The following PSIP1 variants were observed in gnomAD, a reference collection of about 807,000 sequenced individuals.
PSIP1 encodes PC4 and SFRS1-interacting protein.
A neutral mutation model predicts 74.7 loss-of-function variants in PSIP1; 19 were observed. That is an observed-to-expected ratio of 0.25 (90% CI 0.18 to 0.37). The LOEUF is 0.37. PSIP1 is among the 10% of genes least tolerant of loss of function. The pLI, the probability that PSIP1 is intolerant of heterozygous loss-of-function variation, is 1.00. For synonymous variants in PSIP1, 222 were observed against 195.3 expected (o/e 1.14, Z -1.14); for missense variants, 601 against 614.3 (o/e 0.98, Z 0.23).
At chr9:15,479,762 G>A in intron 6 of PSIP1, 75 bp from the exon 7 acceptor site, 1 of 1,121,372 alleles carries the variant, frequency 8.9e-7, no homozygotes, top group Non-Finnish European at 1.3e-6. Flanking sequence ...GCAAAAATAT[G>A]CCAGTCTATG....
chr9:15,490,351 A>T (rs1419671722), intron 3 of PSIP1, among the ~76,000 whole-genome samples: 1 of 152,232 alleles, frequency 6.6e-6, no homozygotes, highest in East Asian at 1.9e-4. Context: ...ACGTTGCACA[A>T]TGTGAATGTA....
At chr9:15,503,905 C>G (rs1398080660) in intron 3 of PSIP1, among the ~76,000 whole-genome samples, 3 of 152,246 alleles carry the variant, frequency 2.0e-5, no homozygotes, top group East Asian at 1.9e-4. Context: ...CACTACCATG[C>G]CAGGCTAATT....
chr9:15,468,569 A>G, intron 14 of PSIP1, 61 bp downstream of exon 14: 1 of 1,544,624 alleles, frequency 6.5e-7, no homozygotes, highest in Non-Finnish European at 8.9e-7. Flanking sequence ...GCCATTTTTA[A>G]AAGCAGTCCT....
rs201263257 is a variant in PSIP1, at chr9:15,472,614, A to G, written c.977+18T>C. The G allele has an allele frequency of 3.9e-4, 358 of 921,646 alleles. 1 individual carries two copies. Among genetic ancestry groups the G allele is most frequent in the Admixed American group, 9.0e-4 (26 of 28,992 alleles). 57.1% of individuals were successfully genotyped at this position (921,646 alleles called of 1,614,324 possible). A position where few individuals can be genotyped will look rare whatever the true frequency, so the allele number is the denominator to read the frequency against. ...CCTTTAAAAAGAACCCAAAATTTAG[A>G]AAAAAAAAAATACTTACTGCTCAGT... is the stretch of plus-strand genomic sequence containing the variant. On this transcript the variant is annotated intron_variant, in intron 10 of 15. Transcript: ENST00000380733.
rs779610320 is a variant in PSIP1, at chr9:15,466,793, C to G, written c.1487G>C (p.Ser496Thr). 3.7e-6 allele frequency: 6 copies of G among 1,613,634 alleles called. No homozygotes were observed. The South Asian group carries it at 6.6e-5, about 18-fold the overall frequency. The change falls in exon 15 of 16, where the codon AGC becomes ACC. Residue 496 changes from serine to threonine, a missense_variant. By Grantham distance (58) the Ser-to-Thr change is moderately conservative. This residue lies in a region of PSIP1 where 538 missense variants were observed against 507.6 expected (regional missense o/e 1.06). Coordinates refer to ENST00000380733, the MANE Select transcript of PSIP1 (RefSeq NM_033222.5). ...ATGGTTGTCTTTGCTGTCTTCATTG[C>G]TCTCCCCGTTATGTTGTGGCTGATT... ...DGNQPQHNGESNEDSKDNHEA... is the reference protein window; with the variant it reads ...DGNQPQHNGETNEDSKDNHEA...
intron 3 of PSIP1, 122 bp from the exon 4 acceptor site, chr9:15,490,246 ATAAGT>A (rs1192925500): frequency 2.1e-6 from 2 of 933,358 alleles, no homozygotes; most frequent in Admixed American, 3.5e-5. Context: ...CAAATCTTAA[ATAAGT>A]TAAAGGGCAA....
At position 15,469,267 on chromosome 9, in the gene PSIP1, A is replaced by G; in HGVS notation, c.1103T>C (p.Leu368Pro). 6.5e-7 allele frequency: 1 copy of G among 1,540,466 alleles called. No individual in the cohort carries two copies. The highest frequency in any genetic ancestry group is 1.9e-5 in the Admixed American group (1 of 52,642). ...TATTAAATGAAGTTAAACACTTACA[A>G]GATTATCAATTTTGAGTGAATTTTT... ...EIKNSLKIDNLDVNRCIEALD... is the reference protein window; with the variant it reads ...EIKNSLKIDNPDVNRCIEALD... Residue 368 changes from leucine to proline, a missense_variant and splice_region_variant, in exon 12 of 16, where the codon CTT (leucine) becomes CCT (proline). Transcript: ENST00000380733.
At chr9:15,468,114 T>TC (rs1006591604) in intron 14 of PSIP1, among the ~76,000 whole-genome samples, 2 of 101,928 alleles carry the variant, frequency 2.0e-5, no homozygotes, top group African/African-American at 3.8e-5. Context: ...AGAGCGAAAC[T>TC]CCATCTTTTA....
chr9:15,468,736 T>C lies in PSIP1; in HGVS notation c.1314A>G (p.Gln438=). The part of the protein sequence containing the change: ...LVGEGDSVIT[Q]VLNKSLAEQR... ...GTTCAGCAAGAGATTTATTCAGCAC[T>C]TGGGTGATCACGGAATCTCCTTCAC... The change falls in exon 14 of 16, where the codon CAA becomes CAG. Residue 438 remains glutamine, a synonymous_variant. Transcript: ENST00000380733. 18 of 1,614,108 alleles carry C rather than the reference T, an allele frequency of 1.1e-5. No individual in the cohort carries two copies. The highest frequency in any genetic ancestry group is 1.5e-5 in the Non-Finnish European group (18 of 1,179,976).
At chr9:15,469,745 ACAACT>A (rs766982175) in intron 11 of PSIP1, among the ~76,000 whole-genome samples, 188 bp downstream of exon 11, 6 of 152,150 alleles carry the variant, frequency 3.9e-5, no homozygotes, top group Non-Finnish European at 5.9e-5. Flanking sequence ...TTAAACATAA[ACAACT>A]CAAGCAAGTT....
Position 15,465,572 on chromosome 9 carries a change from C to A in PSIP1, c.1541G>T (p.Ser514Ile), listed in dbSNP as rs1793416518. 1 of 1,582,058 alleles carries A rather than the reference C, an allele frequency of 6.3e-7. No homozygotes were observed. Among genetic ancestry groups the A allele is most frequent in the Non-Finnish European group, 8.7e-7 (1 of 1,155,942 alleles). ...AGATATTTCAGTCTCTCTCTCTTCACTGGATGGCCTGAAGAAAAGGGGGAA... is the reference window on the plus strand; with the variant it reads ...AGATATTTCAGTCTCTCTCTCTTCAATGGATGGCCTGAAGAAAAGGGGGAA... Reference protein sequence around the residue: ...HEASTKKKPSSEERETEISLK... With the variant: ...HEASTKKKPSIEERETEISLK... The change falls in exon 16 of 16, where the codon AGT becomes ATT. Residue 514 changes from serine to isoleucine, a missense_variant. By Grantham distance (142) the Ser-to-Ile change is moderately radical. Transcript: ENST00000380733.
chr9:15,493,238 T>C (rs1324840507), intron 3 of PSIP1, among the ~76,000 whole-genome samples: 3 of 152,198 alleles, frequency 2.0e-5, no homozygotes, highest in Non-Finnish European at 4.4e-5. Flanking sequence ...CACAGATCTC[T>C]AGGGCAGGGG....
At chr9:15,501,450 G>C (rs1360077842) in intron 3 of PSIP1, among the ~76,000 whole-genome samples, 1 of 151,882 alleles carries the variant, frequency 6.6e-6, no homozygotes, top group Non-Finnish European at 1.5e-5. Flanking sequence ...CGAGGAGGAG[G>C]ATGTGAGCTA....
chr9:15,475,619 C>T (rs2036042089), intron 8 of PSIP1, among the ~76,000 whole-genome samples: 1 of 152,066 alleles, frequency 6.6e-6, no homozygotes, highest in Admixed American at 6.6e-5. Context: ...ATAAAACATA[C>T]AGTGGGATAC....
chr9:15,480,806 G>A (rs1282866435), intron 6 of PSIP1, among the ~76,000 whole-genome samples: 1 of 152,142 alleles, frequency 6.6e-6, no homozygotes, highest in African/African-American at 2.4e-5. Context: ...TATAATCCCA[G>A]CTACATAGGA....
chr9:15,489,443 A>G (rs192658279), intron 4 of PSIP1: 3 of 152,104 alleles, frequency 2.0e-5, no homozygotes, highest in African/African-American at 7.2e-5. Flanking sequence ...CCCTGTCTCT[A>G]GTAAAAATAC....
chr9:15,509,847 C>G (rs1433589129), intron 2 of PSIP1, among the ~76,000 whole-genome samples: 2 of 152,148 alleles, frequency 1.3e-5, no homozygotes, highest in Non-Finnish European at 2.9e-5. Context: ...GGAATATTAA[C>G]TAGCAACGCA....
At chr9:15,466,965 C>G (rs902495306) in intron 14 of PSIP1, 106 bp from the exon 15 acceptor site, 3 of 775,244 alleles carry the variant, frequency 3.9e-6, no homozygotes, top group Non-Finnish European at 4.3e-6. Context: ...CATCGTGTTT[C>G]TACTACTTAA....
At chr9:15,472,084 CTA>C (rs1245588961) in intron 10 of PSIP1, 1 of 981,382 alleles carries the variant, frequency 1.0e-6, no homozygotes, top group East Asian at 1.1e-4. Context: ...AGTCCTGTCT[CTA>C]TAAGTATCAA....
Sources: gnomAD v4.1 joint callset for allele counts (sites outside exome capture counted in the v4.1 genomes callset) on GRCh38, gnomAD v4.1.1 for gene constraint, gnomAD v4.1.1 regional missense constraint, MANE v1.5 for transcripts, NCBI Gene and HGNC (gene_info 2026-07-23, HGNC 2026-07-21) for gene names.